The following PREP variants were observed in gnomAD, a reference collection of about 807,000 sequenced individuals.
PREP encodes the protein prolyl endopeptidase.
Under a neutral mutation model 87.6 loss-of-function variants are expected in PREP, and 29 were observed. The ratio of observed to expected loss-of-function variants is 0.33; its 90% confidence interval spans 0.25 to 0.45. The LOEUF (loss-of-function observed/expected upper bound fraction) is 0.45, where lower values mean the gene tolerates loss of function less well. Ranked by LOEUF, PREP falls within the 20% of genes least tolerant of loss-of-function variation. The pLI, the probability that PREP is intolerant of heterozygous loss-of-function variation, is 1.00. For synonymous variants in PREP, 337 were observed against 328.6 expected, an observed-to-expected ratio of 1.03 and a Z score of -0.28; for missense variants, 695 against 886.5, an observed-to-expected ratio of 0.78 and a Z score of 2.74.
chr6:105,387,242 G>A (rs1773021756), intron 2 of PREP, among the ~76,000 whole-genome samples: 1 of 151,894 alleles, frequency 6.6e-6, no homozygotes, highest in South Asian at 2.1e-4. Flanking sequence ...TAAAAAAGAA[G>A]TTGAGAGAAA....
intron 2 of PREP, among the ~76,000 whole-genome samples, chr6:105,380,949 C>T (rs895400377): frequency 4.6e-5 from 7 of 152,332 alleles, no homozygotes; most frequent in Admixed American, 6.5e-5. Context: ...TGCTTTGCTT[C>T]TTTCACATGT....
At chr6:105,376,356 A>T in intron 3 of PREP, 101 bp from the exon 4 acceptor site, 1 of 1,383,504 alleles carries the variant, frequency 7.2e-7, no homozygotes, top group Non-Finnish European at 9.9e-7. Context: ...CAAAGACCTA[A>T]AAAGGTACCA....
intron 10 of PREP, among the ~76,000 whole-genome samples, chr6:105,297,774 AG>A (rs1283519136): frequency 1.2e-4 from 19 of 152,248 alleles, no homozygotes; most frequent in African/African-American, 4.1e-4. Flanking sequence ...TGTCAACAGC[AG>A]AGTAAATGAG....
At chr6:105,374,056 C>A (rs1313711616) in intron 4 of PREP, among the ~76,000 whole-genome samples, 1 of 152,112 alleles carries the variant, frequency 6.6e-6, no homozygotes, top group African/African-American at 2.4e-5. Context: ...TATCTAAAAT[C>A]CCTTGTTACA....
intron 10 of PREP, among the ~76,000 whole-genome samples, chr6:105,297,012 G>C: frequency 6.6e-6 from 1 of 152,200 alleles, no homozygotes; most frequent in East Asian, 1.9e-4. Context: ...AGGCTATGGG[G>C]GTTCATGATC....
chr6:105,344,157 C>G (rs910112351), intron 7 of PREP, among the ~76,000 whole-genome samples: 7 of 152,172 alleles, frequency 4.6e-5, no homozygotes, highest in Non-Finnish European at 8.8e-5. Flanking sequence ...TTAAGAAAAT[C>G]TGGCACATAT....
intron 10 of PREP, among the ~76,000 whole-genome samples, chr6:105,297,710 C>T (rs1770438071): frequency 6.6e-6 from 1 of 152,312 alleles, no homozygotes; most frequent in South Asian, 2.1e-4. Context: ...TGTCTGTCTT[C>T]CAGGGCTAAC....
At chr6:105,388,645 C>T (rs1211108610) in intron 2 of PREP, among the ~76,000 whole-genome samples, 1 of 152,156 alleles carries the variant, frequency 6.6e-6, no homozygotes, top group Non-Finnish European at 1.5e-5. Flanking sequence ...TGTTTACAAA[C>T]TGTAATAAAG....
chr6:105,389,789 T>G (rs1773091838), intron 2 of PREP, among the ~76,000 whole-genome samples: 1 of 151,990 alleles, frequency 6.6e-6, no homozygotes, highest in Admixed American at 6.6e-5. Flanking sequence ...AAGCACATGA[T>G]CCAGGCAGTC....
intron 2 of PREP, among the ~76,000 whole-genome samples, chr6:105,390,678 T>G (rs1198413374): frequency 6.6e-6 from 1 of 152,008 alleles, no homozygotes; most frequent in East Asian, 1.9e-4. Flanking sequence ...TAAGATGGAG[T>G]AAGATGGGGA....
chr6:105,352,697 C>A (rs988789430), intron 7 of PREP, among the ~76,000 whole-genome samples: 5 of 152,144 alleles, frequency 3.3e-5, no homozygotes, highest in Non-Finnish European at 7.3e-5. Context: ...ATCAGCTTCT[C>A]CTTCACGCTC....
At chr6:105,389,918 A>C (rs1449293049) in intron 2 of PREP, among the ~76,000 whole-genome samples, 1 of 152,176 alleles carries the variant, frequency 6.6e-6, no homozygotes, top group Non-Finnish European at 1.5e-5. Context: ...AAACAAACAA[A>C]CAAAAAGACT....
intron 2 of PREP, among the ~76,000 whole-genome samples, chr6:105,393,757 T>C (rs2114733106): frequency 6.6e-6 from 1 of 152,298 alleles, no homozygotes; most frequent in Non-Finnish European, 1.5e-5. Context: ...TGATTTTGTT[T>C]TATAAAGGAT....
At chr6:105,318,717 T>C (rs935580848) in intron 10 of PREP, among the ~76,000 whole-genome samples, 16 of 152,062 alleles carry the variant, frequency 1.1e-4, no homozygotes, top group Admixed American at 5.2e-4. Context: ...CATATGAAAA[T>C]AGAGTGACCC....
At chr6:105,402,750 T>C in intron 1 of PREP, 97 bp downstream of exon 1, 13 of 1,160,360 alleles carry the variant, frequency 1.1e-5, no homozygotes, top group South Asian at 1.7e-5. Flanking sequence ...GACGCGGGGG[T>C]CGAAGGCCTA....
intron 8 of PREP, among the ~76,000 whole-genome samples, chr6:105,329,449 C>T (rs1334259148): frequency 6.6e-6 from 1 of 152,230 alleles, no homozygotes; most frequent in Non-Finnish European, 1.5e-5. Flanking sequence ...CCACCACGCC[C>T]AGCCTTATAA....
At chr6:105,332,572 CA>C (rs1288870311) in intron 8 of PREP, among the ~76,000 whole-genome samples, 1 of 152,204 alleles carries the variant, frequency 6.6e-6, no homozygotes, top group Non-Finnish European at 1.5e-5. Context: ...TACCCAGCAG[CA>C]GCAGTTCACC....
At position 105,368,922 on chromosome 6, in the gene PREP, T is replaced by C; in HGVS notation, c.698A>G (p.Lys233Arg). 6.2e-7 allele frequency: 1 copy of C among 1,614,006 alleles called. No individual in the cohort carries two copies. Among genetic ancestry groups the C allele is most frequent in the Non-Finnish European group, 8.5e-7 (1 of 1,179,954 alleles). Residue 233 changes from lysine to arginine, a missense_variant, in exon 6 of 15, where the codon AAA becomes AGA. By Grantham distance (26) the Lys-to-Arg change is conservative. Coordinates refer to ENST00000652536, the MANE Select transcript of PREP (RefSeq NM_002726.5). The stretch of plus-strand genomic sequence containing the variant: ...CAATACCTCAGCTCCACCCATCCAT[T>C]TAGGTTCATCAGGAAACTCAGCACA... ...ILCAEFPDEP[K>R]WMGGAELSDD...
chr6:105,335,672 A>G (rs1486341649), intron 7 of PREP, among the ~76,000 whole-genome samples: 2 of 152,176 alleles, frequency 1.3e-5, no homozygotes, highest in Non-Finnish European at 2.9e-5. Context: ...CCGGAAGACC[A>G]TGAGGTCGGG....
Sources: gnomAD v4.1 joint callset for allele counts (sites outside exome capture counted in the v4.1 genomes callset) on GRCh38, gnomAD v4.1.1 for gene constraint, MANE v1.5 for transcripts, NCBI Gene and HGNC (gene_info 2026-07-23, HGNC 2026-07-21) for gene names.